The following MYT1L variants were observed in gnomAD, a reference collection of about 807,000 sequenced individuals.
The protein encoded by MYT1L is myelin transcription factor 1 like, also known as myelin transcription factor 1-like protein.
Under a neutral mutation model 126.7 loss-of-function variants are expected in MYT1L, and 12 were observed. That is an observed-to-expected ratio of 0.09 (90% CI 0.06 to 0.15). The LOEUF (loss-of-function observed/expected upper bound fraction) is 0.15. Ranked by LOEUF, MYT1L falls within the 10% of genes least tolerant of loss-of-function variation. The pLI, the probability that MYT1L is intolerant of heterozygous loss-of-function variation, is 1.00. For synonymous variants in MYT1L, 541 were observed against 604.2 expected (o/e 0.90, Z 1.53); for missense variants, 979 against 1,585.2 (o/e 0.62, Z 6.49).
At chr2:2,074,641 A>C (rs1418990198) in intron 3 of MYT1L, among the ~76,000 whole-genome samples, 4 of 152,254 alleles carry the variant, frequency 2.6e-5, no homozygotes, top group Non-Finnish European at 5.9e-5. Flanking sequence ...AAGAAAGAGC[A>C]CACTGAACAA....
At chr2:1,991,718 G>C (rs1363113842) in intron 5 of MYT1L, among the ~76,000 whole-genome samples, 1 of 151,986 alleles carries the variant, frequency 6.6e-6, no homozygotes, top group Non-Finnish European at 1.5e-5. Context: ...CGGCTAACCT[G>C]CCCTCTCTCA....
At chr2:1,973,667 C>T (rs1476840643) in intron 8 of MYT1L, among the ~76,000 whole-genome samples, 2 of 152,210 alleles carry the variant, frequency 1.3e-5, no homozygotes, top group Non-Finnish European at 2.9e-5. Flanking sequence ...CCTACACAGA[C>T]AGAGAGGAAG....
intron 5 of MYT1L, among the ~76,000 whole-genome samples, chr2:1,983,771 G>C (rs1020214420): frequency 1.3e-5 from 2 of 152,160 alleles, no homozygotes; most frequent in Admixed American, 1.3e-4. Flanking sequence ...TTCACTTACT[G>C]AACCCGTGAA....
In MYT1L at chr2:1,979,730, C is replaced by G; in HGVS notation, c.48G>C (p.Gly16=). 1.2e-6 allele frequency: 2 copies of G among 1,614,006 alleles called. No homozygotes were observed. Among genetic ancestry groups the G allele is most frequent in the Non-Finnish European group, 1.7e-6 (2 of 1,179,910 alleles). The change falls in exon 6 of 25, where the codon GGG becomes GGC. Residue 16 remains glycine, a synonymous_variant. Transcript: ENST00000647738. This position sits in a 1 kb window ranked among gnomAD's most constrained non-coding sequence, Gnocchi z 4.0. ...AGGGAAGCGCGGACATACCTCGAAC[C>G]CCTTTGGACCGCGTGCGATGCCGCT... is the stretch of plus-strand genomic sequence containing the variant. ...EEKRHRTRSK[G]VRVPVEPAIQ...
intron 8 of MYT1L, among the ~76,000 whole-genome samples, chr2:1,962,267 T>C (rs978164680): frequency 1.3e-5 from 2 of 152,218 alleles, no homozygotes; most frequent in African/African-American, 4.8e-5. Flanking sequence ...AAATCAATTG[T>C]TGAGTAGGTG....
intron 8 of MYT1L, among the ~76,000 whole-genome samples, chr2:1,952,743 C>CCCTTCCCTCCCTTCCCT: frequency 2.7e-3 from 1 of 364 alleles, no homozygotes; most frequent in African/African-American, 0.01. Context: ...CTCCTTCCTT[C>CCCTTCCCTCCCTTCCCT]CCTTCCCTCC....
At chr2:2,197,469 G>A (rs1044850786) in intron 2 of MYT1L, among the ~76,000 whole-genome samples, 1 of 152,114 alleles carries the variant, frequency 6.6e-6, no homozygotes, top group African/African-American at 2.4e-5. Context: ...CTATCTATCT[G>A]CAGGTGTATA....
At chr2:1,959,979 C>T (rs35754984) in intron 8 of MYT1L, among the ~76,000 whole-genome samples, 14,289 of 152,220 alleles carry the variant, frequency 0.094, 1,223 homozygotes, top group African/African-American at 0.23. Context: ...ATTTGTCCTA[C>T]TATTTATTAT....
chr2:2,285,634 T>C (rs2095508887), intron 1 of MYT1L, among the ~76,000 whole-genome samples: 2 of 152,174 alleles, frequency 1.3e-5, no homozygotes, highest in African/African-American at 4.8e-5. Flanking sequence ...AGCCACACTT[T>C]CTATTTTGTG....
In MYT1L at chr2:1,866,975, A is replaced by G. The variant is rs199744738; in HGVS notation, c.2712-15272T>C. On this transcript the variant is annotated intron_variant, in intron 18 of 24. Transcript: ENST00000647738. Reference sequence around the variant, plus strand: ...AAACAGAAAGAGAGAGAGAGGGAGGAGAGAGAGAGAGAGAGAGAGTAAAGC... The same window carrying G: ...AAACAGAAAGAGAGAGAGAGGGAGGGGAGAGAGAGAGAGAGAGAGTAAAGC... Among the ~76,000 whole-genome samples, 603 of 98,182 alleles carry G rather than the reference A, an allele frequency of 6.1e-3. 3 individuals carry two copies. The highest frequency in any genetic ancestry group is 7.8e-3 in the Non-Finnish European group (399 of 51,264). 64.4% of individuals were successfully genotyped at this position (98,182 alleles called of 152,430 possible). A position where few individuals can be genotyped will look rare whatever the true frequency, so the allele number is the denominator to read the frequency against.
intron 2 of MYT1L, among the ~76,000 whole-genome samples, chr2:2,223,936 G>A (rs555483982): frequency 2.6e-5 from 4 of 152,282 alleles, no homozygotes; most frequent in African/African-American, 7.2e-5. Flanking sequence ...GAAGGGAGAT[G>A]AAGGAAACGC....
chr2:1,927,091 C>T (rs1049416223), intron 9 of MYT1L, among the ~76,000 whole-genome samples: 66 of 152,266 alleles, frequency 4.3e-4, no homozygotes, highest in Admixed American at 3.7e-3. Context: ...CTCCTGTGAG[C>T]GGGGGCCAGC....
intron 18 of MYT1L, among the ~76,000 whole-genome samples, chr2:1,871,606 G>A (rs1247448978): frequency 2.0e-5 from 3 of 152,204 alleles, no homozygotes. Flanking sequence ...TGAAGGGTCT[G>A]GATCGAGGGT....
At chr2:1,797,001 T>C (rs1206130117) in intron 23 of MYT1L, among the ~76,000 whole-genome samples, 4 of 152,222 alleles carry the variant, frequency 2.6e-5, no homozygotes, top group Non-Finnish European at 5.9e-5. Flanking sequence ...CAAGCTTTTC[T>C]TGTCTCTGCT....
intron 19 of MYT1L, among the ~76,000 whole-genome samples, chr2:1,844,033 C>A (rs10206106): frequency 0.35 from 53,283 of 152,004 alleles, 9,631 homozygotes; most frequent in East Asian, 0.66. Flanking sequence ...GCCCTGTGGT[C>A]TCTTCTGGGG....
chr2:1,942,894 C>T (rs557311553), intron 9 of MYT1L, 88 bp downstream of exon 9: 7 of 1,444,026 alleles, frequency 4.8e-6, no homozygotes, highest in South Asian at 4.4e-5. Flanking sequence ...TCTTTATATG[C>T]CAGTCATTCG....
intron 8 of MYT1L, among the ~76,000 whole-genome samples, chr2:1,952,891 CCTCCTTCTTTCCCTTCCT>C (rs2057983900): frequency 2.4e-5 from 2 of 84,638 alleles, no homozygotes; most frequent in Non-Finnish European, 4.6e-5. Flanking sequence ...CCTTCCCTTC[CCTCCTTCTTTCCCTTCCT>C]CTCCCTTCCT....
chr2:2,095,323 A>C (rs868796657), intron 3 of MYT1L, among the ~76,000 whole-genome samples: 1 of 152,170 alleles, frequency 6.6e-6, no homozygotes, highest in African/African-American at 2.4e-5. Context: ...GGTGAGGCTG[A>C]GTTTATCTGG....
At chr2:2,261,388 A>T (rs1291689853) in intron 2 of MYT1L, among the ~76,000 whole-genome samples, 1 of 152,246 alleles carries the variant, frequency 6.6e-6, no homozygotes. Context: ...AATTAGGAAC[A>T]TAACTATATC....
Sources: gnomAD v4.1 joint callset for allele counts (sites outside exome capture counted in the v4.1 genomes callset) on GRCh38, gnomAD v4.1.1 for gene constraint, Gnocchi (gnomAD v3.1) non-coding constraint, MANE v1.5 for transcripts, NCBI Gene and HGNC (gene_info 2026-07-23, HGNC 2026-07-21) for gene names.